Variants in RIMS1 observed in about 807,000 individuals in gnomAD.
RIMS1 encodes the protein regulating synaptic membrane exocytosis protein 1.
In RIMS1, 83 loss-of-function variants were observed where a neutral mutation model predicts 214.1. The ratio of observed to expected loss-of-function variants is 0.39; its 90% CI spans 0.32 to 0.47. The LOEUF (loss-of-function observed/expected upper bound fraction) is 0.47, where lower values mean the gene tolerates loss of function less well. RIMS1 is among the 20% of genes least tolerant of loss of function. The pLI is 0.99. For missense variants in RIMS1, 2,050 were observed against 2,161.8 expected (o/e 0.95, Z 1.03); for synonymous variants, 793 against 786.8 (o/e 1.01, Z -0.13).
chr6:72,182,096 AAT>A (rs1372236135), intron 5 of RIMS1, among the ~76,000 whole-genome samples, 186 bp from the exon 6 acceptor site: 4 of 152,244 alleles, frequency 2.6e-5, no homozygotes, highest in African/African-American at 9.6e-5. Flanking sequence ...GGTAATAATT[AAT>A]ATGTGTTCCC....
At chr6:71,887,368 G>T (rs1400433043) in intron 1 of RIMS1, among the ~76,000 whole-genome samples, 181 bp downstream of exon 1, 1 of 152,160 alleles carries the variant, frequency 6.6e-6, no homozygotes, top group African/African-American at 2.4e-5. Flanking sequence ...TCAGGGGACC[G>T]GAGGAGGGAG....
chr6:72,204,150 A>G (rs1442456336), intron 6 of RIMS1, among the ~76,000 whole-genome samples: 1 of 152,186 alleles, frequency 6.6e-6, no homozygotes, highest in Non-Finnish European at 1.5e-5. Context: ...GAGCACATAA[A>G]TGAGGGAGGG....
intron 4 of RIMS1, among the ~76,000 whole-genome samples, chr6:72,155,918 ACC>A (rs1202586408): frequency 7.1e-6 from 1 of 140,446 alleles, no homozygotes; most frequent in African/African-American, 2.5e-5. Context: ...GGAAACCACA[ACC>A]ACCATGAGAT....
intron 2 of RIMS1, among the ~76,000 whole-genome samples, chr6:71,970,366 T>C (rs1267922861): frequency 6.6e-6 from 1 of 152,214 alleles, no homozygotes; most frequent in Non-Finnish European, 1.5e-5. Context: ...GTTTTCATCT[T>C]ATATTCTAGG....
intron 2 of RIMS1, among the ~76,000 whole-genome samples, chr6:72,013,156 A>G (rs180919424): frequency 6.2e-4 from 95 of 152,346 alleles, no homozygotes; most frequent in African/African-American, 2.2e-3. Context: ...CCAATCACAC[A>G]TATATTGTGC....
At chr6:72,309,981 CAAGTAT>C (rs1424723754) in intron 27 of RIMS1, among the ~76,000 whole-genome samples, 2 of 151,942 alleles carry the variant, frequency 1.3e-5, no homozygotes, top group African/African-American at 4.8e-5. Context: ...TATTCTACAT[CAAGTAT>C]TTTATAACTA....
intron 29 of RIMS1, among the ~76,000 whole-genome samples, chr6:72,351,938 C>T (rs1229312725): frequency 1.3e-5 from 2 of 152,100 alleles, no homozygotes; most frequent in African/African-American, 4.8e-5. Context: ...TTTATTAGTC[C>T]CATTTACTTA....
rs1458877857 is a variant in RIMS1 at position 72,258,408 on chromosome 6, A to C, written c.2927+127A>C. 2.8e-6 allele frequency: 3 copies of C among 1,059,844 alleles called. No homozygotes were observed. The East Asian group carries it at 8.0e-5, about 28-fold the overall frequency. The allele number at this position is 1,059,844 out of a possible 1,614,324, so 65.7% of individuals were successfully genotyped here. ...AATTATTTTTTTCAGAATTAATTGT[A>C]GGCAAAATTTTTTTTATTCTTTATC... On this transcript the variant is annotated intron_variant, in intron 17 of 33. Transcript: ENST00000521978.
chr6:71,934,000 G>T (rs556634372), intron 1 of RIMS1, among the ~76,000 whole-genome samples: 2 of 152,210 alleles, frequency 1.3e-5, no homozygotes, highest in African/African-American at 2.4e-5. Flanking sequence ...GCAGGTAAAG[G>T]TATACTTGAA....
intron 27 of RIMS1, among the ~76,000 whole-genome samples, chr6:72,311,591 A>T (rs2095514452): frequency 6.6e-6 from 1 of 152,244 alleles, no homozygotes; most frequent in Non-Finnish European, 1.5e-5. Flanking sequence ...TTGAGAGATA[A>T]ATCACACAAT....
chr6:71,907,992 C>A (rs757444824), intron 1 of RIMS1, among the ~76,000 whole-genome samples: 7 of 152,028 alleles, frequency 4.6e-5, no homozygotes, highest in African/African-American at 7.2e-5. Context: ...AGACTTTTGC[C>A]TTTATTATAG....
intron 4 of RIMS1, among the ~76,000 whole-genome samples, chr6:72,121,772 T>G (rs2038379434): frequency 6.6e-6 from 1 of 151,964 alleles, no homozygotes; most frequent in Admixed American, 6.6e-5. Context: ...CCATTCAGTA[T>G]GATATTGGCT....
At chr6:72,199,919 A>G (rs2051636015) in intron 6 of RIMS1, among the ~76,000 whole-genome samples, 1 of 152,134 alleles carries the variant, frequency 6.6e-6, no homozygotes, top group Non-Finnish European at 1.5e-5. Flanking sequence ...ATATCTAAAA[A>G]TAAGGTTGGG....
rs753531827 is a variant in RIMS1 at position 72,179,600 on chromosome 6, G to A, written c.497G>A (p.Arg166Gln). The change falls in exon 5 of 34, where the codon CGA becomes CAA. Residue 166 changes from arginine (R) to glutamine (Q), a missense_variant. By Grantham distance (43) the Arg-to-Gln change is conservative. Transcript: ENST00000521978. ...GTTATGTGGGTATGCAATTTATGTC[G>A]AAAGCAACAAGAAATCTTAACCAAA... ...KVVMWVCNLC[R>Q]KQQEILTKSG... is the part of the protein sequence containing the mutation. The A allele has an allele frequency of 6.2e-7, 1 of 1,613,598 alleles. No homozygotes were observed. The highest frequency in any genetic ancestry group is 8.5e-7 in the Non-Finnish European group (1 of 1,179,750).
rs201958591 is a variant in RIMS1 at position 72,401,222 on chromosome 6, GT to G, written c.*517del. On this transcript the variant is annotated 3_prime_UTR_variant, in exon 34 of 34. Transcript: ENST00000521978. The stretch of plus-strand genomic sequence containing the variant: ...TTCACCACATCTGTTATTTCCACTA[GT>G]TTTTTTTTGGCTGTGTCATGACAGG... The G allele has an allele frequency of 7.9e-5, 12 of 152,114 alleles. No homozygotes were observed. The highest frequency in any genetic ancestry group is 2.6e-4 in the Admixed American group (4 of 15,264). The allele number at this position is 152,114 out of a possible 1,614,324, so 9.4% of individuals were successfully genotyped here.
At position 71,892,301 on chromosome 6, in the gene RIMS1, C is replaced by T. The variant is rs117337533; in HGVS notation, c.164+5114C>T. 6.2e-3 allele frequency among the ~76,000 whole-genome samples: 948 copies of T among 152,312 alleles called. 5 individuals are homozygous for T. The highest frequency in any genetic ancestry group is 0.012 in the Admixed American group (182 of 15,300). Reference sequence around the variant, plus strand: ...GCTTTACAAATTTTACTCACCCAGGCTCACCTCTTGAAGAGAATTCTAGCC... The same window carrying T: ...GCTTTACAAATTTTACTCACCCAGGTTCACCTCTTGAAGAGAATTCTAGCC... On this transcript the variant is annotated intron_variant, in intron 1 of 33. Transcript: ENST00000521978.
At chr6:71,971,297 CAAGT>C (rs1554164486) in intron 2 of RIMS1, among the ~76,000 whole-genome samples, 1 of 151,934 alleles carries the variant, frequency 6.6e-6, no homozygotes, top group Non-Finnish European at 1.5e-5. Flanking sequence ...AAACTAGAGA[CAAGT>C]AAATCAATTA....
chr6:72,348,317 A>G (rs766797217), intron 29 of RIMS1, among the ~76,000 whole-genome samples: 5 of 151,920 alleles, frequency 3.3e-5, no homozygotes. Context: ...AGAAACCTGC[A>G]TATGCGGAGG....
chr6:72,330,970 T>C (rs1228489674), intron 28 of RIMS1, among the ~76,000 whole-genome samples: 1 of 151,786 alleles, frequency 6.6e-6, no homozygotes, highest in Non-Finnish European at 1.5e-5. Context: ...ACTCATATTT[T>C]ATTCAGCCAA....
Sources: allele counts gnomAD v4.1 joint callset (sites outside exome capture counted in the v4.1 genomes callset), GRCh38; gene constraint gnomAD v4.1.1; transcripts MANE v1.5; gene names NCBI Gene and HGNC (gene_info 2026-07-23, HGNC 2026-07-21).